MBIP: variants seen among roughly 807,000 people sequenced by gnomAD.
MBIP encodes the protein MAP3K12 binding inhibitory protein 1, also known as MAP3K12-binding inhibitory protein 1.
MBIP carries 32 observed loss-of-function variants against 45.7 expected under a neutral mutation model. That is an observed-to-expected ratio of 0.70 (90% CI 0.53 to 0.94). The LOEUF (loss-of-function observed/expected upper bound fraction) is 0.94, where lower values mean the gene tolerates loss of function less well. Among genes scored for constraint, MBIP ranks in the 40% least tolerant of loss-of-function variants. The pLI, the probability that MBIP is intolerant of heterozygous loss-of-function variation, is 0.00. For synonymous variants in MBIP, 145 were observed against 141.0 expected (o/e 1.03, Z -0.20); for missense variants, 381 against 405.5 (o/e 0.94, Z 0.52).
At chr14:36,304,459 T>C (rs1249932772) in intron 7 of MBIP, among the ~76,000 whole-genome samples, 1 of 152,226 alleles carries the variant, frequency 6.6e-6, no homozygotes, top group Non-Finnish European at 1.5e-5. Context: ...AACAATATAC[T>C]TGTAAAAGCA....
chr14:36,317,265 C>T (rs1165756039), intron 1 of MBIP, among the ~76,000 whole-genome samples: 1 of 152,122 alleles, frequency 6.6e-6, no homozygotes, highest in Non-Finnish European at 1.5e-5. Flanking sequence ...AGTATGTACA[C>T]AAATACATAT....
intron 6 of MBIP, among the ~76,000 whole-genome samples, chr14:36,308,875 CA>C (rs576436772): frequency 8.5e-5 from 13 of 152,284 alleles, no homozygotes; most frequent in African/African-American, 2.9e-4. Context: ...ATTTTCAACA[CA>C]GGAGCCAGTG....
At chr14:36,302,651 G>A (rs750435529) in intron 7 of MBIP, among the ~76,000 whole-genome samples, 3 of 152,004 alleles carry the variant, frequency 2.0e-5, no homozygotes, top group Admixed American at 6.6e-5. Context: ...GTCATCAGTC[G>A]CTCAGTGACT....
At chr14:36,318,799 T>C (rs1880721367) in intron 1 of MBIP, among the ~76,000 whole-genome samples, 1 of 152,058 alleles carries the variant, frequency 6.6e-6, no homozygotes, top group Non-Finnish European at 1.5e-5. Flanking sequence ...TGTTACAACA[T>C]ACATTCTAAA....
chr14:36,319,565 C>A, intron 1 of MBIP: 1 of 442,612 alleles, frequency 2.3e-6, no homozygotes, highest in Non-Finnish European at 4.5e-6. Flanking sequence ...GACAAATGTT[C>A]TATTTTCATA....
Position 36,314,864 on chromosome 14 carries a change from C to G in MBIP, c.301G>C (p.Val101Leu). Residue 101 changes from valine to leucine, a missense_variant, in exon 3 of 9, where the codon GTT (valine) becomes CTT (leucine). Val to Leu is a conservative substitution (Grantham distance 32). Transcript: ENST00000416007. The stretch of plus-strand genomic sequence containing the variant: ...ATTTCTGTTCTTCCTATCTCTTCAA[C>G]AGCAGTTGTATTCTCCTCTTTAATC... ...SPIKEENTTA[V>L]EEIGRTEMGN... 6.2e-7 allele frequency: 1 copy of G among 1,613,508 alleles called. No homozygotes were observed. Among genetic ancestry groups the G allele is most frequent in the Non-Finnish European group, 8.5e-7 (1 of 1,179,638 alleles).
chr14:36,315,057 A>G (rs914798901), intron 2 of MBIP, 142 bp from the exon 3 acceptor site: 1 of 608,294 alleles, frequency 1.6e-6, no homozygotes, highest in Non-Finnish European at 2.9e-6. Context: ...ATACCAGGAC[A>G]CATAGATCTG....
intron 4 of MBIP, among the ~76,000 whole-genome samples, chr14:36,312,586 A>T (rs1206941627): frequency 6.6e-6 from 1 of 152,132 alleles, no homozygotes; most frequent in Non-Finnish European, 1.5e-5. Flanking sequence ...AAAGTCATCT[A>T]CTTCTTCTTA....
At chr14:36,309,473 T>C (rs368973761) in intron 6 of MBIP, among the ~76,000 whole-genome samples, 3 of 152,208 alleles carry the variant, frequency 2.0e-5, no homozygotes, top group Non-Finnish European at 4.4e-5. Flanking sequence ...AGCTGGTGCT[T>C]GATATTTACT....
At chr14:36,317,686 A>G (rs1290075078) in intron 1 of MBIP, among the ~76,000 whole-genome samples, 3 of 152,114 alleles carry the variant, frequency 2.0e-5, no homozygotes, top group African/African-American at 7.2e-5. Context: ...TTTTGAATGA[A>G]TAAAAGTGAA....
rs1415384490 is a variant in MBIP, at chr14:36,314,605, C to T, written c.478G>A (p.Asp160Asn). The T allele has an allele frequency of 6.2e-7, 1 of 1,609,758 alleles. No individual in the cohort carries two copies. Among genetic ancestry groups the T allele is most frequent in the Admixed American group, 1.7e-5 (1 of 59,386 alleles). ...TCAATAAATGCAGATATTCGTCTGT[C>T]AATCTACAAACAACAAGTTTTAACA... ...VQIKAGKAEI[D>N]RRISAFIERK... The change falls in exon 4 of 9, where the codon GAC becomes AAC. Residue 160 changes from aspartate (D) to asparagine (N), a missense_variant. By Grantham distance (23) the Asp-to-Asn change is conservative. Transcript: ENST00000416007.
intron 7 of MBIP, among the ~76,000 whole-genome samples, chr14:36,303,000 G>A (rs1216346878): frequency 2.0e-5 from 3 of 152,194 alleles, no homozygotes; most frequent in Admixed American, 2.0e-4. Flanking sequence ...CATGGGGTAT[G>A]AGGGTAAACA....
At chr14:36,315,418 T>C (rs962578285) in intron 2 of MBIP, among the ~76,000 whole-genome samples, 3 of 152,134 alleles carry the variant, frequency 2.0e-5, no homozygotes, top group Non-Finnish European at 1.5e-5. Context: ...AAACTGCAGT[T>C]GGCCAATGTG....
chr14:36,320,628 A>C lies in MBIP; in HGVS notation c.-40T>G, dbSNP rs202222638. On this transcript the variant is annotated 5_prime_UTR_variant, in exon 1 of 9. Coordinates refer to ENST00000416007, the MANE Select transcript of MBIP (RefSeq NM_016586.3). ...CCGCCCCACCACCACCACCACCAAG[A>C]TTTGCTCACAACCCCGCCCCCTCCC... 4.4e-4 allele frequency: 690 copies of C among 1,568,042 alleles called. 4 individuals are homozygous for C. The African/African-American group carries it at 8.6e-3, about 20-fold the overall frequency.
At chr14:36,316,903 G>A (rs1594524319) in intron 1 of MBIP, 91 bp from the exon 2 acceptor site, 11 of 1,373,030 alleles carry the variant, frequency 8.0e-6, no homozygotes, top group African/African-American at 1.5e-5. Context: ...CTAGAGTAAC[G>A]GGTCTATTTT....
Position 36,308,199 on chromosome 14 carries a change from T to A in MBIP, c.791-10A>T. 7.2e-7 allele frequency: 1 copy of A among 1,398,410 alleles called. No homozygotes were observed. Among genetic ancestry groups the A allele is most frequent in the Non-Finnish European group, 9.9e-7 (1 of 1,010,196 alleles). 86.6% of individuals were successfully genotyped at this position (1,398,410 alleles called of 1,614,324 possible). On this transcript the variant is annotated splice_polypyrimidine_tract_variant and intron_variant, in intron 6 of 8. Transcript: ENST00000416007. ...CTTGGCACTGGACCACCTAAATACATTAAAAAAAAATCTGAGATACTATTG... is the reference window on the plus strand; with the variant it reads ...CTTGGCACTGGACCACCTAAATACAATAAAAAAAAATCTGAGATACTATTG...
Position 36,312,001 on chromosome 14 carries a change from C to T in MBIP, c.595G>A (p.Ala199Thr), listed in dbSNP as rs1316819319. Reference protein sequence around the residue: ...NQENSCARTDAIFTPYPGFKS... With the variant: ...NQENSCARTDTIFTPYPGFKS... The stretch of plus-strand genomic sequence containing the variant: ...AATCCGGGGTAAGGGGTAAAAATCG[C>T]ATCAGTTCTTGCACAACTATTTTCT... Residue 199 changes from alanine (A) to threonine (T), a missense_variant, in exon 5 of 9, where the codon GCG (alanine) becomes ACG (threonine). Transcript: ENST00000416007. 3 of 1,595,334 alleles carry T rather than the reference C, an allele frequency of 1.9e-6. 1 individual carries two copies. In the South Asian group the frequency reaches 3.5e-5, roughly 18 times the overall value.
At chr14:36,299,946 A>C (rs1308158273) in intron 8 of MBIP, among the ~76,000 whole-genome samples, 4 of 151,948 alleles carry the variant, frequency 2.6e-5, no homozygotes, top group African/African-American at 9.7e-5. Context: ...GTGCTAATAG[A>C]TACAGGGTTT....
Position 36,320,535 on chromosome 14 carries a change from C to G in MBIP, c.54G>C (p.Glu18Asp). 6.2e-7 allele frequency: 1 copy of G among 1,613,778 alleles called. No homozygotes were observed. The highest frequency in any genetic ancestry group is 8.5e-7 in the Non-Finnish European group (1 of 1,179,832). ...NRPSSGDRNLERRCRPNLSRE... is the reference protein window; with the variant it reads ...NRPSSGDRNLDRRCRPNLSRE... The stretch of plus-strand genomic sequence containing the variant: ...GGGAGAGGTTGGGTCTGCATCTTCG[C>G]TCCAGGTTCCTGTCACCGCTGCTCG... The change falls in exon 1 of 9, where the codon GAG becomes GAC. Residue 18 changes from glutamate (E) to aspartate (D), a missense_variant. By Grantham distance (45) the Glu-to-Asp change is conservative. Coordinates refer to ENST00000416007, the MANE Select transcript of MBIP (RefSeq NM_016586.3).
Sources: allele counts gnomAD v4.1 joint callset (sites outside exome capture counted in the v4.1 genomes callset), GRCh38; gene constraint gnomAD v4.1.1; transcripts MANE v1.5; gene names NCBI Gene and HGNC (gene_info 2026-07-23, HGNC 2026-07-21).